Variants in HHAT observed in about 807,000 individuals in gnomAD.
The protein encoded by HHAT is hedgehog acyltransferase.
HHAT carries 47 observed loss-of-function variants against 70.8 expected under a neutral mutation model. The observed-to-expected ratio is 0.66, with a 90% CI of 0.53 to 0.85. The LOEUF is 0.85. HHAT is among the 40% of genes least tolerant of loss of function. HHAT has a pLI of 0.00. For synonymous variants in HHAT, 228 were observed against 247.6 expected, an observed-to-expected ratio of 0.92 and a Z score of 0.74; for missense variants, 609 against 604.8, an observed-to-expected ratio of 1.01 and a Z score of -0.07.
At chr1:210,547,018 T>C (rs553383073) in intron 9 of HHAT, among the ~76,000 whole-genome samples, 1 of 152,164 alleles carries the variant, frequency 6.6e-6, no homozygotes, top group South Asian at 2.1e-4. Context: ...GGAGATGGGC[T>C]GAAATGGAAT....
At chr1:210,374,216 A>G (rs575622773) in intron 3 of HHAT, 3 of 152,086 alleles carry the variant, frequency 2.0e-5, no homozygotes, top group South Asian at 4.2e-4. Context: ...CTCTCCACGG[A>G]AATCTTTAGT....
chr1:210,354,929 T>C (rs1457854137), intron 2 of HHAT, among the ~76,000 whole-genome samples: 1 of 152,180 alleles, frequency 6.6e-6, no homozygotes, highest in South Asian at 2.1e-4. Context: ...TGTAAATAAT[T>C]GATATTTTTA....
chr1:210,537,048 A>AT (rs1302949680), intron 9 of HHAT, among the ~76,000 whole-genome samples: 2 of 152,088 alleles, frequency 1.3e-5, no homozygotes, highest in Non-Finnish European at 2.9e-5. Context: ...AAAGGTGGCT[A>AT]TAGGGCTTCA....
intron 1 of HHAT, among the ~76,000 whole-genome samples, chr1:210,340,250 A>G (rs866259359): frequency 0.22 from 30,776 of 138,238 alleles, 4,225 homozygotes; most frequent in African/African-American, 0.31. Flanking sequence ...CAGAAAAAAA[A>G]AAAAAAAAAA....
At chr1:210,588,152 G>C in intron 10 of HHAT, 53 bp downstream of exon 10, 1 of 1,425,270 alleles carries the variant, frequency 7.0e-7, no homozygotes, top group Non-Finnish European at 9.6e-7. Flanking sequence ...AGGCAGATCA[G>C]GTTTATTAGG....
intron 8 of HHAT, among the ~76,000 whole-genome samples, chr1:210,487,393 C>T (rs2094489232): frequency 6.6e-6 from 1 of 152,082 alleles, no homozygotes; most frequent in South Asian, 2.1e-4. Flanking sequence ...TGAGCTTCTC[C>T]GTGGACTTCA....
chr1:210,482,945 T>G (rs1360474749), intron 8 of HHAT, among the ~76,000 whole-genome samples: 1 of 152,228 alleles, frequency 6.6e-6, no homozygotes, highest in Non-Finnish European at 1.5e-5. Context: ...AAATCTCAGC[T>G]TCTGTCTTGG....
At chr1:210,534,494 C>T (rs2095349641) in intron 9 of HHAT, among the ~76,000 whole-genome samples, 2 of 152,124 alleles carry the variant, frequency 1.3e-5, no homozygotes, top group South Asian at 4.2e-4. Context: ...TACCCCTTAT[C>T]TGAAATGCTT....
At chr1:210,510,925 G>C (rs1002901832) in intron 8 of HHAT, among the ~76,000 whole-genome samples, 2 of 152,128 alleles carry the variant, frequency 1.3e-5, no homozygotes, top group Non-Finnish European at 2.9e-5. Context: ...GTTGGTCTCT[G>C]TCGCTAATGT....
At chr1:210,466,015 T>C (rs2094097026) in intron 8 of HHAT, among the ~76,000 whole-genome samples, 1 of 105,410 alleles carries the variant, frequency 9.5e-6, no homozygotes, top group African/African-American at 3.8e-5. Flanking sequence ...TTGCAAGGAA[T>C]GAATTGCAAG....
chr1:210,645,445 T>C (rs1051064178), intron 11 of HHAT, among the ~76,000 whole-genome samples: 3 of 152,104 alleles, frequency 2.0e-5, no homozygotes, highest in African/African-American at 7.2e-5. Context: ...ACCTTGCTAA[T>C]TTTTTGTATT....
intron 8 of HHAT, among the ~76,000 whole-genome samples, chr1:210,494,542 C>CCTTTT (rs2094601199): frequency 1.2e-5 from 1 of 82,850 alleles, no homozygotes; most frequent in African/African-American, 5.1e-5. Context: ...TTTGAAATAG[C>CCTTTT]TTTTTTTTTT....
chr1:210,585,947 G>T lies in HHAT; in HGVS notation c.1044-1951G>T, dbSNP rs1401937742. 2.6e-5 allele frequency among the ~76,000 whole-genome samples: 4 copies of T among 152,222 alleles called. 1 individual carries two copies. The South Asian group carries it at 8.3e-4, about 32-fold the overall frequency. ...AGCATGATCAGATATTGCAGGTGGG[G>T]GGTTCGTTCTAAACTGACTTAGCAG... On this transcript the variant is annotated intron_variant, in intron 9 of 11. Coordinates refer to ENST00000261458, the MANE Select transcript of HHAT (RefSeq NM_018194.6).
chr1:210,566,243 C>G (rs1326864020), intron 9 of HHAT, among the ~76,000 whole-genome samples: 1 of 152,056 alleles, frequency 6.6e-6, no homozygotes, highest in East Asian at 1.9e-4. Context: ...TATTAAAAAG[C>G]TAGAAAATAT....
chr1:210,598,306 G>GT (rs1430073230), intron 10 of HHAT, among the ~76,000 whole-genome samples: 1 of 151,990 alleles, frequency 6.6e-6, no homozygotes, highest in Non-Finnish European at 1.5e-5. Flanking sequence ...TGGGGGACGG[G>GT]TGATGCAAGC....
chr1:210,461,832 C>CTT (rs1483874697), intron 7 of HHAT, among the ~76,000 whole-genome samples: 1 of 151,882 alleles, frequency 6.6e-6, no homozygotes, highest in Non-Finnish European at 1.5e-5. Context: ...TATCTTAAGC[C>CTT]GTAAGAAATA....
chr1:210,340,517 T>C (rs1237254340), intron 1 of HHAT, among the ~76,000 whole-genome samples: 1 of 152,216 alleles, frequency 6.6e-6, no homozygotes, highest in Non-Finnish European at 1.5e-5. Context: ...GCTTGTGGTT[T>C]CCAGAGTGCT....
In HHAT at chr1:210,499,440, C is replaced by T. The variant is rs191534401; in HGVS notation, c.1008-13713C>T. 2.6e-5 allele frequency among the ~76,000 whole-genome samples: 4 copies of T among 152,252 alleles called. No homozygotes were observed. The East Asian group carries it at 7.7e-4, about 29-fold the overall frequency. On this transcript the variant is annotated intron_variant, in intron 8 of 11. Coordinates refer to ENST00000261458, the MANE Select transcript of HHAT (RefSeq NM_018194.6). The stretch of plus-strand genomic sequence containing the variant: ...TCACTTGAGGCCAGGAATTCAAGAC[C>T]AGCCTGGCCAACATGGTGAAACCCC...
At chr1:210,329,492 C>T in intron 1 of HHAT, 1 of 1,011,830 alleles carries the variant, frequency 9.9e-7, no homozygotes, top group Non-Finnish European at 1.2e-6. Flanking sequence ...AAGTTAGAGA[C>T]TTCCTTTGCG....
Sources: gnomAD v4.1 joint callset for allele counts (sites outside exome capture counted in the v4.1 genomes callset) on GRCh38, gnomAD v4.1.1 for gene constraint, MANE v1.5 for transcripts, NCBI Gene and HGNC (gene_info 2026-07-23, HGNC 2026-07-21) for gene names.